PRLR: variants seen among roughly 807,000 people sequenced by gnomAD.
PRLR encodes the protein hPRL receptor.
PRLR carries 13 observed loss-of-function variants against 40.2 expected under a neutral mutation model. That is an observed-to-expected ratio of 0.32 (90% CI 0.21 to 0.51). The LOEUF is 0.51. PRLR is among the 20% of genes least tolerant of loss of function. The pLI is 0.97. For synonymous variants in PRLR, 269 were observed against 278.7 expected (o/e 0.97, Z 0.35); for missense variants, 656 against 747.3 (o/e 0.88, Z 1.42).
chr5:35,143,399 T>C (rs1774079150), intron 1 of PRLR, among the ~76,000 whole-genome samples: 1 of 152,254 alleles, frequency 6.6e-6, no homozygotes, highest in African/African-American at 2.4e-5. Flanking sequence ...CAGGCAGCAC[T>C]ATCTTCTGGA....
chr5:35,097,964 C>T (rs144945937), intron 2 of PRLR, among the ~76,000 whole-genome samples: 73 of 152,206 alleles, frequency 4.8e-4, no homozygotes, highest in South Asian at 4.0e-3. Context: ...TTCCTCTCTA[C>T]GGGAAATGTT....
intron 1 of PRLR, among the ~76,000 whole-genome samples, chr5:35,137,440 A>C (rs1000757933): frequency 1.7e-4 from 26 of 152,242 alleles, no homozygotes; most frequent in Admixed American, 1.6e-3. Context: ...AGTTTCAGCC[A>C]TTTGGCCTCC....
chr5:35,220,599 C>G (rs1776390468), intron 1 of PRLR, among the ~76,000 whole-genome samples: 1 of 152,070 alleles, frequency 6.6e-6, no homozygotes. Flanking sequence ...TTACTGGAAT[C>G]TAAACTACAC....
chr5:35,088,014 T>C (rs1217317445), intron 3 of PRLR, among the ~76,000 whole-genome samples: 2 of 151,998 alleles, frequency 1.3e-5, no homozygotes, highest in Non-Finnish European at 2.9e-5. Context: ...AAGGCCAGAG[T>C]TTCTAGCTGA....
Position 35,056,085 on chromosome 5 carries a change from T to G in PRLR, c.*9004A>C, listed in dbSNP as rs1240228090. On this transcript the variant is annotated 3_prime_UTR_variant, in exon 10 of 10. Coordinates refer to ENST00000618457, the MANE Select transcript of PRLR (RefSeq NM_000949.7). The stretch of plus-strand genomic sequence containing the variant: ...TTTCTTAAGAAAATATTTTATCACA[T>G]TCGTAAAAGTATCTGTGCTTCAAGT... 2 of 152,186 alleles carry G rather than the reference T, an allele frequency of 1.3e-5. No homozygotes were observed. Among genetic ancestry groups the G allele is most frequent in the Middle Eastern group, 3.2e-3 (1 of 316 alleles). 9.4% of individuals were successfully genotyped at this position (152,186 alleles called of 1,614,324 possible). A position where few individuals can be genotyped will look rare whatever the true frequency, so the allele number is the denominator to read the frequency against.
intron 1 of PRLR, among the ~76,000 whole-genome samples, chr5:35,135,076 A>G (rs1047511854): frequency 1.0e-4 from 15 of 148,568 alleles, no homozygotes; most frequent in Admixed American, 6.6e-5. Flanking sequence ...ATTTAATGTC[A>G]TTTAGAGATT....
rs1235417332 is a variant in PRLR, at chr5:35,209,471, A to G, written c.-106+20797T>C. On this transcript the variant is annotated intron_variant, in intron 1 of 9. Coordinates refer to ENST00000618457, the MANE Select transcript of PRLR (RefSeq NM_000949.7). Reference sequence around the variant, plus strand: ...TAAAAAAAAGCCTTCAAAGAAATCCAAAGAGTACTTAAGACCCACTGTTCA... The same window carrying G: ...TAAAAAAAAGCCTTCAAAGAAATCCGAAGAGTACTTAAGACCCACTGTTCA... Among the ~76,000 whole-genome samples, 3 of 152,330 alleles carry G rather than the reference A, an allele frequency of 2.0e-5. No homozygotes were observed. In the East Asian group the frequency reaches 5.8e-4, roughly 29 times the overall value.
chr5:35,224,583 C>T (rs1311996023), intron 1 of PRLR, among the ~76,000 whole-genome samples: 1 of 152,208 alleles, frequency 6.6e-6, no homozygotes, highest in Middle Eastern at 3.2e-3. Flanking sequence ...TCCCTGCAGG[C>T]ACATGTCTAG....
At chr5:35,195,882 T>C (rs1352607429) in intron 1 of PRLR, among the ~76,000 whole-genome samples, 1 of 152,130 alleles carries the variant, frequency 6.6e-6, no homozygotes, top group Non-Finnish European at 1.5e-5. Context: ...CATGTGTCTA[T>C]TGGGTTTGGC....
rs751236188 is a variant in PRLR at position 35,070,135 on chromosome 5, T to A, written c.674A>T (p.Gln225Leu). 1 of 1,609,702 alleles carries A rather than the reference T, an allele frequency of 6.2e-7. No homozygotes were observed. Among genetic ancestry groups the A allele is most frequent in the South Asian group, 1.1e-5 (1 of 89,626 alleles). ...WSAWSPATFI[Q>L]IPSDFTMNDT... ...GCCAAGACGCTCACCACTAGGTATC[T>A]GAATGAAGGTCGCTGGACTCCATGC... Residue 225 changes from glutamine to leucine, a missense_variant, in exon 7 of 10, where the codon CAG (glutamine) becomes CTG (leucine). This residue lies in a region of PRLR where 469 missense variants were observed against 491.5 expected (regional missense o/e 0.95). Coordinates refer to ENST00000618457, the MANE Select transcript of PRLR (RefSeq NM_000949.7).
chr5:35,206,928 C>T (rs185360465), intron 1 of PRLR, among the ~76,000 whole-genome samples: 19 of 152,160 alleles, frequency 1.2e-4, no homozygotes, highest in South Asian at 1.2e-3. Flanking sequence ...TAGTCAAATA[C>T]ATTTTAGAAA....
rs765115939 is a variant in PRLR at position 35,070,213 on chromosome 5, C to T, written c.596G>A (p.Gly199Glu). 87 of 1,613,986 alleles carry T rather than the reference C, an allele frequency of 5.4e-5. No individual in the cohort carries two copies. The highest frequency in any genetic ancestry group is 7.2e-5 in the Non-Finnish European group (85 of 1,180,018). The change falls in exon 7 of 10, where the codon GGA becomes GAA. Residue 199 changes from glycine to glutamate, a missense_variant. Transcript: ENST00000618457. ...TEFKILSLHP[G>E]QKYLVQVRCK... ...GCGAACCTGGACAAGGTATTTCTGT[C>T]CTGGATGTAGGCTGAGAATCTTAAA...
chr5:35,079,878 A>G (rs1371710252), intron 5 of PRLR, among the ~76,000 whole-genome samples: 1 of 152,204 alleles, frequency 6.6e-6, no homozygotes, highest in East Asian at 1.9e-4. Context: ...CTCAGAAATA[A>G]TACCACACAT....
At chr5:35,177,268 T>C (rs1001689972) in intron 1 of PRLR, among the ~76,000 whole-genome samples, 1 of 152,168 alleles carries the variant, frequency 6.6e-6, no homozygotes, top group Non-Finnish European at 1.5e-5. Context: ...CTCTATACTT[T>C]GTCTCTGTGT....
chr5:35,224,981 G>A (rs372036312), intron 1 of PRLR, among the ~76,000 whole-genome samples: 6 of 152,164 alleles, frequency 3.9e-5, no homozygotes, highest in African/African-American at 1.4e-4. Flanking sequence ...TGGCAACTGG[G>A]ACTACTTTTT....
intron 1 of PRLR, among the ~76,000 whole-genome samples, chr5:35,150,756 A>G (rs905445305): frequency 6.6e-6 from 1 of 151,726 alleles, no homozygotes; most frequent in African/African-American, 2.4e-5. Flanking sequence ...TAAGAATAGG[A>G]AAAAAAAATC....
intron 1 of PRLR, among the ~76,000 whole-genome samples, chr5:35,160,667 T>TA (rs1774648246): frequency 6.6e-6 from 1 of 152,186 alleles, no homozygotes; most frequent in Non-Finnish European, 1.5e-5. Flanking sequence ...CCTTTTGAGA[T>TA]ATGTTTTCAG....
chr5:35,159,053 A>G (rs1400535173), intron 1 of PRLR, among the ~76,000 whole-genome samples: 1 of 152,228 alleles, frequency 6.6e-6, no homozygotes, highest in Non-Finnish European at 1.5e-5. Context: ...AATGACTACT[A>G]TAACAAGTAA....
intron 3 of PRLR, among the ~76,000 whole-genome samples, chr5:35,087,397 T>C (rs1032295472): frequency 6.6e-6 from 1 of 151,374 alleles, no homozygotes; most frequent in Non-Finnish European, 1.5e-5. Flanking sequence ...TCCTTTTTTT[T>C]CTCTTAGATT....
Sources: allele counts gnomAD v4.1 joint callset (sites outside exome capture counted in the v4.1 genomes callset), GRCh38; gene constraint gnomAD v4.1.1; regional missense constraint gnomAD v4.1.1; transcripts MANE v1.5; gene names NCBI Gene and HGNC (gene_info 2026-07-23, HGNC 2026-07-21).